Variants in ITIH2 observed in about 807,000 individuals in gnomAD.
ITIH2 encodes inter-alpha-trypsin inhibitor heavy chain H2.
In ITIH2, 103 loss-of-function variants were observed where a neutral mutation model predicts 104.4. The ratio of observed to expected loss-of-function variants is 0.99; its 90% CI spans 0.84 to 1.16. The LOEUF (loss-of-function observed/expected upper bound fraction) is 1.16. Ranked by LOEUF, ITIH2 falls within the 50% of genes most tolerant of loss-of-function variation. The pLI, the probability that ITIH2 is intolerant of heterozygous loss-of-function variation, is 0.00. For synonymous variants in ITIH2, 436 were observed against 435.4 expected, an observed-to-expected ratio of 1.00 and a Z score of -0.02; for missense variants, 1,108 against 1,162.4, an observed-to-expected ratio of 0.95 and a Z score of 0.68.
At position 7,732,371 on chromosome 10, in the gene ITIH2, C is replaced by T. The variant is rs1286695082; in HGVS notation, c.1681C>T (p.Gln561Ter). ...GCAGTTAGTCTTGGAGACCCTGGCCCAGATGGACGACTTGCAGGATTTTCT... is the reference window on the plus strand; with the variant it reads ...GCAGTTAGTCTTGGAGACCCTGGCCTAGATGGACGACTTGCAGGATTTTCT... Reference protein sequence around the residue: ...NTQLVLETLAQMDDLQDFLSK... With the variant: ...NTQLVLETLA Residue 561 changes from glutamine (Q) to a stop codon, truncating the protein, a stop_gained, in exon 14 of 21, where the codon CAG (glutamine) becomes TAG (stop). Coordinates refer to ENST00000358415, the MANE Select transcript of ITIH2 (RefSeq NM_002216.3). LOFTEE classifies it high-confidence loss of function. 3.1e-6 allele frequency: 5 copies of T among 1,614,094 alleles called. No individual in the cohort carries two copies. The highest frequency in any genetic ancestry group is 1.3e-5 in the African/African-American group (1 of 75,032).
At position 7,738,429 on chromosome 10, in the gene ITIH2, G is replaced by A. The variant is rs554121159; in HGVS notation, c.1958-192G>A. 1.1e-3 allele frequency among the ~76,000 whole-genome samples: 158 copies of A among 150,256 alleles called. 2 individuals carry two copies. In the South Asian group the frequency reaches 0.031, roughly 30 times the overall value. The stretch of plus-strand genomic sequence containing the variant: ...CCTTGCTCAGGTTCCAGACTCCAGA[G>A]AGAACTGTATCACAGGCCTCCTCCC... On this transcript the variant is annotated intron_variant, in intron 15 of 20. Transcript: ENST00000358415.
chr10:7,738,819 T>G (rs1292819385), intron 16 of ITIH2, 61 bp downstream of exon 16: 15 of 1,507,734 alleles, frequency 9.9e-6, no homozygotes, highest in East Asian at 2.5e-5. Context: ...CTGGGAAGCA[T>G]TGTGTGCATG....
chr10:7,709,411 G>C (rs1000442019), intron 4 of ITIH2, among the ~76,000 whole-genome samples: 4 of 152,090 alleles, frequency 2.6e-5, no homozygotes, highest in African/African-American at 7.2e-5. Flanking sequence ...CAAACTTAAG[G>C]CTATCTCTGT....
chr10:7,743,347 A>T, intron 17 of ITIH2, 88 bp downstream of exon 17: 2 of 725,954 alleles, frequency 2.8e-6, no homozygotes, highest in Non-Finnish European at 4.8e-6. Flanking sequence ...TTCTCAGCTT[A>T]ATAGAAGTTC....
intron 4 of ITIH2, among the ~76,000 whole-genome samples, chr10:7,711,082 C>T (rs995311739): frequency 1.3e-5 from 2 of 152,156 alleles, no homozygotes; most frequent in Admixed American, 6.5e-5. Flanking sequence ...AATGCTCTCC[C>T]TCCCCTTGCC....
rs1183450485 is a variant in ITIH2, at chr10:7,720,936, T to G, written c.711T>G (p.Val237=). ...PDTFEGHFDG[V]PVISKGQQKA... The stretch of plus-strand genomic sequence containing the variant: ...CATTTGAAGGCCATTTCGATGGTGT[T>G]CCGGTCATTTCTAAAGGACAACAGA... The change falls in exon 7 of 21, where the codon GTT becomes GTG. Residue 237 remains valine, a synonymous_variant. Transcript: ENST00000358415. 2 of 1,612,820 alleles carry G rather than the reference T, an allele frequency of 1.2e-6. No homozygotes were observed. Among genetic ancestry groups the G allele is most frequent in the Non-Finnish European group, 1.7e-6 (2 of 1,178,922 alleles).
chr10:7,734,109 TA>T (rs753848086), intron 14 of ITIH2, among the ~76,000 whole-genome samples: 1 of 152,116 alleles, frequency 6.6e-6, no homozygotes, highest in Non-Finnish European at 1.5e-5. Context: ...GCAGTGAAAA[TA>T]CCCTATATGA....
At chr10:7,727,591 T>G in intron 10 of ITIH2, 112 bp from the exon 11 acceptor site, 1 of 1,258,762 alleles carries the variant, frequency 7.9e-7, no homozygotes. Context: ...GATTTTGGCA[T>G]GGAATAAGTG....
chr10:7,742,791 G>A (rs1230240745), intron 16 of ITIH2, among the ~76,000 whole-genome samples: 3 of 152,108 alleles, frequency 2.0e-5, no homozygotes, highest in East Asian at 1.9e-4. Context: ...ATTCACACAC[G>A]TGTATGTATG....
chr10:7,717,188 G>A (rs1322601823), intron 5 of ITIH2, among the ~76,000 whole-genome samples: 7 of 152,038 alleles, frequency 4.6e-5, no homozygotes, highest in Non-Finnish European at 8.8e-5. Context: ...TCCTGACCTC[G>A]TGATCCGCCT....
chr10:7,727,206 G>A (rs1365779316), intron 10 of ITIH2, 88 bp downstream of exon 10: 69 of 1,108,570 alleles, frequency 6.2e-5, no homozygotes, highest in African/African-American at 1.5e-4. Flanking sequence ...CATCACAGTG[G>A]TCTTTCCCCA....
chr10:7,703,446 C>T lies in ITIH2; in HGVS notation c.12C>T (p.Leu4=). The stretch of plus-strand genomic sequence containing the variant: ...AACTGTCCAGCAAAATGAAAAGACT[C>T]ACGTGCTTTTTCATCTGCTTCTTTC... The part of the protein sequence containing the change: MKR[L]TCFFICFFLS... The change falls in exon 1 of 21, where the codon CTC becomes CTT. Residue 4 remains leucine, a synonymous_variant. Transcript: ENST00000358415. The T allele has an allele frequency of 6.2e-7, 1 of 1,613,604 alleles. No homozygotes were observed. The highest frequency in any genetic ancestry group is 8.5e-7 in the Non-Finnish European group (1 of 1,179,514).
chr10:7,747,110 CT>C (rs1043530032), intron 20 of ITIH2, among the ~76,000 whole-genome samples: 1 of 152,142 alleles, frequency 6.6e-6, no homozygotes, highest in Non-Finnish European at 1.5e-5. Flanking sequence ...TCTCTGACTG[CT>C]TTTTTTGTAG....
At chr10:7,744,308 C>T in intron 18 of ITIH2, 28 bp downstream of exon 18, 1 of 1,578,000 alleles carries the variant, frequency 6.3e-7, no homozygotes, top group Non-Finnish European at 8.7e-7. Context: ...TGAACTTGGG[C>T]CTGTCCGTGA....
chr10:7,714,150 C>T (rs1834823678), intron 5 of ITIH2, among the ~76,000 whole-genome samples: 3 of 150,160 alleles, frequency 2.0e-5, no homozygotes, highest in Admixed American at 2.0e-4. Context: ...TCACTCCTTG[C>T]ACTGCACACT....
chr10:7,748,332 T>A (rs1180955710), intron 20 of ITIH2, among the ~76,000 whole-genome samples: 1 of 148,874 alleles, frequency 6.7e-6, no homozygotes, highest in African/African-American at 2.5e-5. Flanking sequence ...GGTTCATAAC[T>A]GAAACTGAGC....
At chr10:7,733,666 C>A (rs1402769505) in intron 14 of ITIH2, among the ~76,000 whole-genome samples, 1 of 152,174 alleles carries the variant, frequency 6.6e-6, no homozygotes, top group African/African-American at 2.4e-5. Flanking sequence ...CATCTCAACT[C>A]TCCAACATGA....
rs200241696 is a variant in ITIH2 at position 7,744,271 on chromosome 10, C to T, written c.2399C>T (p.Thr800Met). 1.9e-4 allele frequency: 303 copies of T among 1,613,386 alleles called. No individual in the cohort carries two copies. The highest frequency in any genetic ancestry group is 2.2e-4 in the Non-Finnish European group (255 of 1,179,638). The change falls in exon 18 of 21, where the codon ACG (threonine) becomes ATG (methionine). Residue 800 changes from threonine to methionine, a missense_variant. Coordinates refer to ENST00000358415, the MANE Select transcript of ITIH2 (RefSeq NM_002216.3). ...TCCTGGTCCGACACGGCTCAAGTCA[C>T]GAATCAGAGGCAAGTATGATTCCAT... ...SLSWSDTAQV[T>M]NQRVQISVKK...
chr10:7,721,532 G>T, intron 7 of ITIH2, 117 bp from the exon 8 acceptor site: 1 of 881,760 alleles, frequency 1.1e-6, no homozygotes, highest in East Asian at 2.5e-5. Context: ...CACCGATATC[G>T]CGGGGATTCA....
Sources: gnomAD v4.1 joint callset for allele counts (sites outside exome capture counted in the v4.1 genomes callset) on GRCh38, gnomAD v4.1.1 for gene constraint, MANE v1.5 for transcripts, NCBI Gene and HGNC (gene_info 2026-07-23, HGNC 2026-07-21) for gene names.